Variants in GRIN2B observed in about 807,000 individuals in gnomAD.
GRIN2B encodes glutamate receptor ionotropic, NMDA 2B.
In GRIN2B, 5 loss-of-function variants were observed where a neutral mutation model predicts 114.5. The ratio of observed to expected loss-of-function variants is 0.04; its 90% CI spans 0.02 to 0.09. The LOEUF is 0.09. GRIN2B is among the 10% of genes least tolerant of loss of function. The probability of loss-of-function intolerance (pLI) is 1.00; values close to 1 mark genes in which losing one functional copy is unlikely to be tolerated. For missense variants in GRIN2B, 1,108 were observed against 1,943.5 expected, an observed-to-expected ratio of 0.57 and a Z score of 8.08; for synonymous variants, 787 against 745.1, an observed-to-expected ratio of 1.06 and a Z score of -0.92.
At chr12:13,904,388 T>G (rs1048003922) in intron 2 of GRIN2B, among the ~76,000 whole-genome samples, 1 of 152,104 alleles carries the variant, frequency 6.6e-6, no homozygotes, top group Non-Finnish European at 1.5e-5. Context: ...ATCATTACCC[T>G]TCTTTCAGAA....
intron 2 of GRIN2B, among the ~76,000 whole-genome samples, chr12:13,925,233 C>T (rs1012721376): frequency 6.6e-6 from 1 of 152,182 alleles, no homozygotes; most frequent in Non-Finnish European, 1.5e-5. Context: ...TGACTATAGG[C>T]AAAGTCCAAG....
chr12:13,611,620 G>A, intron 9 of GRIN2B, 105 bp downstream of exon 9: 3 of 1,167,176 alleles, frequency 2.6e-6, no homozygotes, highest in Non-Finnish European at 3.9e-6. Flanking sequence ...TTCCTTTTCA[G>A]AAATGGATAT....
chr12:13,916,872 G>A (rs1205864687), intron 2 of GRIN2B, among the ~76,000 whole-genome samples: 1 of 151,820 alleles, frequency 6.6e-6, no homozygotes, highest in African/African-American at 2.4e-5. Context: ...AGACATCTGG[G>A]AACACAGAGA....
In GRIN2B at chr12:13,555,498, G is replaced by A. The variant is rs1565448281; in HGVS notation, c.*7285C>T. 1.3e-5 allele frequency: 2 copies of A among 152,270 alleles called. No homozygotes were observed. Among genetic ancestry groups the A allele is most frequent in the Admixed American group, 6.6e-5 (1 of 15,266 alleles). 9.4% of individuals were successfully genotyped at this position (152,270 alleles called of 1,614,324 possible). On this transcript the variant is annotated 3_prime_UTR_variant, in exon 14 of 14. Coordinates refer to ENST00000609686, the MANE Select transcript of GRIN2B (RefSeq NM_000834.5). Reference sequence around the variant, plus strand: ...GTCTTTAGAGATAGTTGTAGGACGGGTGTTTTTGAGATAGTTGCAGGTAGA... The same window carrying A: ...GTCTTTAGAGATAGTTGTAGGACGGATGTTTTTGAGATAGTTGCAGGTAGA...
At chr12:13,618,233 G>C (rs1382012539) in intron 5 of GRIN2B, among the ~76,000 whole-genome samples, 2 of 152,178 alleles carry the variant, frequency 1.3e-5, no homozygotes, top group Non-Finnish European at 2.9e-5. Flanking sequence ...AGTTTGGCCA[G>C]GTAGGAATTG....
intron 4 of GRIN2B, among the ~76,000 whole-genome samples, chr12:13,742,065 T>G (rs1043327423): frequency 6.6e-5 from 10 of 152,150 alleles, no homozygotes; most frequent in African/African-American, 2.4e-4. Flanking sequence ...CATTACAGAG[T>G]TCTCTGACTT....
At chr12:13,921,455 G>A (rs1866821890) in intron 2 of GRIN2B, among the ~76,000 whole-genome samples, 1 of 152,080 alleles carries the variant, frequency 6.6e-6, no homozygotes, top group Non-Finnish European at 1.5e-5. Context: ...AAAGCTAAGA[G>A]AAAATAACTC....
At chr12:13,683,699 C>T in intron 4 of GRIN2B, 1 of 153,146 alleles carries the variant, frequency 6.5e-6, no homozygotes. Context: ...GATGACCATT[C>T]CCAATAAAGG....
chr12:13,547,981 A>ATATATATATTTTTTTT lies in GRIN2B; in HGVS notation c.*14801_*14802insAAAAAAAATATATATA. On this transcript the variant is annotated 3_prime_UTR_variant, in exon 14 of 14. Transcript: ENST00000609686. The stretch of plus-strand genomic sequence containing the variant: ...TGTGTATATATATATATATATATAT[A>ATATATATATTTTTTTT]TTTTTTTTTTTTTTCTGAAAGCTAC... The ATATATATATTTTTTTT allele has an allele frequency of 1.5e-5, 1 of 68,592 alleles. No individual in the cohort carries two copies. The highest frequency in any genetic ancestry group is 2.9e-5 in the Non-Finnish European group (1 of 34,396). 4.2% of individuals were successfully genotyped at this position (68,592 alleles called of 1,614,324 possible).
chr12:13,861,732 C>G (rs745464136), intron 3 of GRIN2B, among the ~76,000 whole-genome samples: 2 of 152,130 alleles, frequency 1.3e-5, no homozygotes, highest in Non-Finnish European at 2.9e-5. Context: ...AGCCTTCCCC[C>G]AGATTTTCAC....
intron 2 of GRIN2B, among the ~76,000 whole-genome samples, chr12:13,917,051 G>T (rs1866744950): frequency 6.6e-6 from 1 of 152,028 alleles, no homozygotes; most frequent in African/African-American, 2.4e-5. Flanking sequence ...AGGAAGAAAG[G>T]GGCATTCCAC....
intron 3 of GRIN2B, among the ~76,000 whole-genome samples, chr12:13,833,643 C>G (rs1865193643): frequency 6.6e-6 from 1 of 152,156 alleles, no homozygotes. Flanking sequence ...TAACTTTTAA[C>G]AAACAGCAGG....
intron 3 of GRIN2B, among the ~76,000 whole-genome samples, chr12:13,803,663 CTG>C (rs1864554097): frequency 6.6e-6 from 1 of 152,114 alleles, no homozygotes; most frequent in Non-Finnish European, 1.5e-5. Context: ...ATTTAGGGGA[CTG>C]TGAATAGGCA....
At chr12:13,835,830 A>G (rs1865253280) in intron 3 of GRIN2B, among the ~76,000 whole-genome samples, 1 of 151,954 alleles carries the variant, frequency 6.6e-6, no homozygotes, top group Non-Finnish European at 1.5e-5. Flanking sequence ...ATTTGGAGAA[A>G]CAGGCCACAT....
At chr12:13,708,187 C>A (rs568029992) in intron 4 of GRIN2B, among the ~76,000 whole-genome samples, 1 of 152,070 alleles carries the variant, frequency 6.6e-6, no homozygotes, top group Admixed American at 6.6e-5. Flanking sequence ...AATGAGCTGG[C>A]AATTATAAGA....
intron 2 of GRIN2B, among the ~76,000 whole-genome samples, chr12:13,887,307 A>G (rs905604654): frequency 1.2e-4 from 19 of 152,268 alleles, no homozygotes; most frequent in Admixed American, 1.1e-3. Context: ...TCATATAAAT[A>G]CATACATTAT....
At chr12:13,928,250 C>T (rs1378584975) in intron 2 of GRIN2B, among the ~76,000 whole-genome samples, 1 of 149,562 alleles carries the variant, frequency 6.7e-6, no homozygotes, top group African/African-American at 2.5e-5. Context: ...TTGTGATGAG[C>T]TGAGATTGCG....
intron 10 of GRIN2B, among the ~76,000 whole-genome samples, chr12:13,589,377 G>A (rs1251707993): frequency 1.3e-5 from 2 of 152,184 alleles, no homozygotes; most frequent in East Asian, 3.9e-4. Context: ...AGTTTCTAGA[G>A]ACTTTGAGAT....
intron 4 of GRIN2B, among the ~76,000 whole-genome samples, chr12:13,723,890 G>GA (rs1315076009): frequency 1.3e-5 from 2 of 151,640 alleles, no homozygotes; most frequent in African/African-American, 4.9e-5. Flanking sequence ...CGATCCAGAG[G>GA]AAAAAAACTA....
Sources: allele counts gnomAD v4.1 joint callset (sites outside exome capture counted in the v4.1 genomes callset), GRCh38; gene constraint gnomAD v4.1.1; transcripts MANE v1.5; gene names NCBI Gene and HGNC (gene_info 2026-07-23, HGNC 2026-07-21).